RANBP9: variants seen among roughly 807,000 people sequenced by gnomAD.
RANBP9 encodes the protein ran-binding protein 9.
In RANBP9, 15 loss-of-function variants were observed where a neutral mutation model predicts 84.3. The ratio of observed to expected loss-of-function variants is 0.18; its 90% CI spans 0.12 to 0.27. RANBP9 has a LOEUF of 0.27. RANBP9 is among the 10% of genes least tolerant of loss of function. RANBP9 has a pLI of 1.00. For missense variants in RANBP9, 809 were observed against 912.8 expected, an observed-to-expected ratio of 0.89 and a Z score of 1.46; for synonymous variants, 392 against 349.6, an observed-to-expected ratio of 1.12 and a Z score of -1.35.
rs552258995 is a variant in RANBP9, at chr6:13,692,969, T to TA, written c.683+3815dup. Among the ~76,000 whole-genome samples, 31 of 152,356 alleles carry TA rather than the reference T, an allele frequency of 2.0e-4. No homozygotes were observed. In the East Asian group the frequency reaches 5.2e-3, roughly 26 times the overall value. Reference sequence around the variant, plus strand: ...CCAGCTATAAGTTAAGTACTGGAGTTATAGAAATTAAAATAGTCCCTTACT... The same window carrying TA: ...CCAGCTATAAGTTAAGTACTGGAGTTAATAGAAATTAAAATAGTCCCTTACT... On this transcript the variant is annotated intron_variant, in intron 2 of 13. Coordinates refer to ENST00000011619, the MANE Select transcript of RANBP9 (RefSeq NM_005493.3).
intron 13 of RANBP9, among the ~76,000 whole-genome samples, 154 bp downstream of exon 13, chr6:13,625,499 G>T (rs1305795660): frequency 1.3e-5 from 2 of 152,130 alleles, no homozygotes; most frequent in East Asian, 3.8e-4. Context: ...GGAATTAAAG[G>T]AGGGGGTTTC....
intron 2 of RANBP9, among the ~76,000 whole-genome samples, chr6:13,668,756 T>C (rs574999100): frequency 6.6e-5 from 10 of 152,058 alleles, no homozygotes; most frequent in Non-Finnish European, 8.8e-5. Context: ...AGAACATCTA[T>C]GAAAAATCCC....
chr6:13,677,776 C>T (rs1019003712), intron 2 of RANBP9, among the ~76,000 whole-genome samples: 29 of 152,112 alleles, frequency 1.9e-4, no homozygotes, highest in African/African-American at 6.5e-4. Flanking sequence ...TATATACCAA[C>T]TGGTGATTCA....
intron 5 of RANBP9, among the ~76,000 whole-genome samples, chr6:13,646,234 AC>A (rs1297686404): frequency 6.6e-6 from 1 of 151,122 alleles, no homozygotes; most frequent in Non-Finnish European, 1.5e-5. Flanking sequence ...ACATGGTGAA[AC>A]CCCGCCTCTA....
At chr6:13,631,259 C>T (rs994666872) in intron 12 of RANBP9, among the ~76,000 whole-genome samples, 3 of 152,090 alleles carry the variant, frequency 2.0e-5, no homozygotes, top group African/African-American at 7.2e-5. Context: ...ATGATAAATA[C>T]ACCTGACTTC....
At chr6:13,653,916 C>A (rs1347889678) in intron 4 of RANBP9, among the ~76,000 whole-genome samples, 2 of 151,472 alleles carry the variant, frequency 1.3e-5, no homozygotes, top group South Asian at 4.2e-4. Flanking sequence ...TACTATCAGC[C>A]CAAATAAAAA....
At chr6:13,691,163 CAA>C (rs767728179) in intron 2 of RANBP9, among the ~76,000 whole-genome samples, 4 of 57,476 alleles carry the variant, frequency 7.0e-5, no homozygotes, top group Non-Finnish European at 7.6e-5. Flanking sequence ...GACTCCGTCT[CAA>C]AAAAAAAAAA....
At chr6:13,631,342 G>A (rs964300148) in intron 12 of RANBP9, among the ~76,000 whole-genome samples, 1 of 152,094 alleles carries the variant, frequency 6.6e-6, no homozygotes, top group African/African-American at 2.4e-5. Flanking sequence ...CCTAGGCCAG[G>A]CAAGCATGTT....
At chr6:13,687,035 A>G (rs1056926228) in intron 2 of RANBP9, among the ~76,000 whole-genome samples, 2 of 152,198 alleles carry the variant, frequency 1.3e-5, no homozygotes, top group Non-Finnish European at 2.9e-5. Flanking sequence ...AATTGTTTTA[A>G]AAAATTCATA....
chr6:13,622,107 G>T lies in RANBP9; in HGVS notation c.*255C>A. Reference sequence around the variant, plus strand: ...GTAATTGTTTTAAAGGATTTGTGATGATCAATTTGAACGTCTGAAATTCAG... The same window carrying T: ...GTAATTGTTTTAAAGGATTTGTGATTATCAATTTGAACGTCTGAAATTCAG... On this transcript the variant is annotated 3_prime_UTR_variant, in exon 14 of 14. Transcript: ENST00000011619. The T allele has an allele frequency of 2.0e-5, 5 of 252,284 alleles. No homozygotes were observed. The highest frequency in any genetic ancestry group is 3.6e-5 in the Non-Finnish European group (5 of 137,512). 15.6% of individuals were successfully genotyped at this position (252,284 alleles called of 1,614,324 possible). A position where few individuals can be genotyped will look rare whatever the true frequency, so the allele number is the denominator to read the frequency against.
At chr6:13,660,854 C>T (rs550203965) in intron 2 of RANBP9, among the ~76,000 whole-genome samples, 6 of 152,216 alleles carry the variant, frequency 3.9e-5, no homozygotes, top group African/African-American at 1.4e-4. Context: ...AGCCCCTTTG[C>T]TAGAAGTACA....
intron 10 of RANBP9, among the ~76,000 whole-genome samples, chr6:13,637,159 CATAGTACACTGACTGAG>C (rs1389709161): frequency 6.6e-6 from 1 of 152,152 alleles, no homozygotes; most frequent in Non-Finnish European, 1.5e-5. Context: ...TATCAAGGGT[CATAGTACACTGACTGAG>C]ATATCATCTT....
rs77079657 is a variant in RANBP9, at chr6:13,647,522, G to A, written c.928-2793C>T. On this transcript the variant is annotated intron_variant, in intron 5 of 13. Coordinates refer to ENST00000011619, the MANE Select transcript of RANBP9 (RefSeq NM_005493.3). ...AGATGTCCTATACACACTAAAGCAA[G>A]GTATAACATATTGTATATGGTATGA... Among the ~76,000 whole-genome samples, 262 of 152,008 alleles carry A rather than the reference G, an allele frequency of 1.7e-3. 3 individuals are homozygous for A. The East Asian group carries it at 0.035, about 20-fold the overall frequency.
rs990894542 is a variant in RANBP9 at position 13,665,140 on chromosome 6, T to C, written c.684-6308A>G. On this transcript the variant is annotated intron_variant, in intron 2 of 13. Coordinates refer to ENST00000011619, the MANE Select transcript of RANBP9 (RefSeq NM_005493.3). The stretch of plus-strand genomic sequence containing the variant: ...GATGAATCACAGTCCTAAATATAAA[T>C]GTTAAAAACTATAAAGGTTCTATAA... Among the ~76,000 whole-genome samples the C allele has an allele frequency of 5.9e-5, 9 of 152,254 alleles. No individual in the cohort carries two copies. In the East Asian group the frequency reaches 1.7e-3, roughly 29 times the overall value.
chr6:13,675,621 G>C (rs1297492260), intron 2 of RANBP9, among the ~76,000 whole-genome samples: 2 of 149,506 alleles, frequency 1.3e-5, no homozygotes, highest in East Asian at 2.0e-4. Context: ...GAGAAATAGA[G>C]ATAGCAATGA....
chr6:13,629,267 C>T (rs552400269), intron 12 of RANBP9, among the ~76,000 whole-genome samples: 6 of 152,272 alleles, frequency 3.9e-5, no homozygotes, highest in African/African-American at 1.2e-4. Flanking sequence ...TGGGCCACCA[C>T]ACCCAGCCTC....
chr6:13,639,770 A>T lies in RANBP9; in HGVS notation c.1335-17T>A. 1 of 1,580,182 alleles carries T rather than the reference A, an allele frequency of 6.3e-7. No individual in the cohort carries two copies. ...TGACGCACTCTAAAGGAGAAAAGAAAAATTTACTTAGACACAATCTTCAAA... is the reference window on the plus strand; with the variant it reads ...TGACGCACTCTAAAGGAGAAAAGAATAATTTACTTAGACACAATCTTCAAA... On this transcript the variant is annotated splice_polypyrimidine_tract_variant and intron_variant, in intron 8 of 13. Coordinates refer to ENST00000011619, the MANE Select transcript of RANBP9 (RefSeq NM_005493.3).
Position 13,644,719 on chromosome 6 carries a change from T to C in RANBP9, c.938A>G (p.Tyr313Cys). The change falls in exon 6 of 14, where the codon TAT (tyrosine) becomes TGT (cysteine). Residue 313 changes from tyrosine to cysteine, a missense_variant. Tyr to Cys is a radical substitution (Grantham distance 194, BLOSUM62 -2). Around this residue, in one of 5 missense-constraint regions of RANBP9, gnomAD observed 216 missense variants for 329.0 expected, o/e 0.66. Coordinates refer to ENST00000011619, the MANE Select transcript of RANBP9 (RefSeq NM_005493.3). ...IAFTDLPPNLYPTVGLQTPGE... is the reference protein window; with the variant it reads ...IAFTDLPPNLCPTVGLQTPGE... ...TGGTGTTTGAAGCCCCACAGTAGGA[T>C]ACAAATTTGGCTGTAAGATAGCATA... 6.3e-7 allele frequency: 1 copy of C among 1,596,146 alleles called. No individual in the cohort carries two copies. Among genetic ancestry groups the C allele is most frequent in the Non-Finnish European group, 8.5e-7 (1 of 1,172,848 alleles).
rs1245169043 is a variant in RANBP9 at position 13,658,374 on chromosome 6, C to T, written c.736+406G>A. Among the ~76,000 whole-genome samples, 15 of 152,110 alleles carry T rather than the reference C, an allele frequency of 9.9e-5. No individual in the cohort carries two copies. In the South Asian group the frequency reaches 1.2e-3, roughly 13 times the overall value. On this transcript the variant is annotated intron_variant, in intron 3 of 13. Coordinates refer to ENST00000011619, the MANE Select transcript of RANBP9 (RefSeq NM_005493.3). The stretch of plus-strand genomic sequence containing the variant: ...CTGTAATCCTAACAGTTTGGGAGGC[C>T]GAGGCAGGTGGATCACCTGAGGTCA...
Sources: gnomAD v4.1 joint callset for allele counts (sites outside exome capture counted in the v4.1 genomes callset) on GRCh38, gnomAD v4.1.1 for gene constraint, gnomAD v4.1.1 regional missense constraint, MANE v1.5 for transcripts, NCBI Gene and HGNC (gene_info 2026-07-23, HGNC 2026-07-21) for gene names.